SLC25A20: variants seen among roughly 807,000 people sequenced by gnomAD.
SLC25A20 encodes solute carrier family 25 member 20.
A neutral mutation model predicts 39.7 loss-of-function variants in SLC25A20; 29 were observed. The ratio of observed to expected loss-of-function variants is 0.73; its 90% CI spans 0.54 to 1.00. The LOEUF (loss-of-function observed/expected upper bound fraction) is 1.00. SLC25A20 is among the 50% of genes least tolerant of loss of function. The pLI, the probability that SLC25A20 is intolerant of heterozygous loss-of-function variation, is 0.00. For synonymous variants in SLC25A20, 103 were observed against 142.2 expected, an observed-to-expected ratio of 0.72 and a Z score of 1.96; for missense variants, 333 against 379.9, an observed-to-expected ratio of 0.88 and a Z score of 1.03.
At chr3:48,891,929 A>G in intron 2 of SLC25A20, 51 bp downstream of exon 2, 2 of 1,413,332 alleles carry the variant, frequency 1.4e-6, no homozygotes, top group South Asian at 1.2e-5. Flanking sequence ...TAACAAATCA[A>G]CCCCGTGAAT....
At chr3:48,878,262 C>CAAAAAAA (rs1257374907) in intron 4 of SLC25A20, among the ~76,000 whole-genome samples, 25 of 106,844 alleles carry the variant, frequency 2.3e-4, no homozygotes, top group African/African-American at 8.6e-4. Context: ...TCCATCTCCA[C>CAAAAAAA]AAAAAAAAAA....
intron 4 of SLC25A20, among the ~76,000 whole-genome samples, chr3:48,876,044 A>T (rs947331530): frequency 2.6e-5 from 4 of 151,734 alleles, no homozygotes; most frequent in Admixed American, 6.6e-5. Context: ...AATAAAAAAA[A>T]TTTTAAAGCC....
chr3:48,866,562 A>T (rs894745876), intron 4 of SLC25A20, among the ~76,000 whole-genome samples: 2 of 152,162 alleles, frequency 1.3e-5, no homozygotes, highest in African/African-American at 4.8e-5. Flanking sequence ...TCAAAAAAAA[A>T]ACAAAAAACA....
intron 7 of SLC25A20, 28 bp downstream of exon 7, chr3:48,859,064 C>G (rs374847484): frequency 2.3e-5 from 37 of 1,586,276 alleles, no homozygotes; most frequent in Non-Finnish European, 2.9e-5. Flanking sequence ...CCACTCTCCC[C>G]CTGTCCACCC....
chr3:48,862,684 A>G (rs1007582208), intron 4 of SLC25A20, 25 bp from the exon 5 acceptor site: 2 of 1,489,924 alleles, frequency 1.3e-6, no homozygotes, highest in Non-Finnish European at 1.9e-6. Flanking sequence ...AGGATCATTA[A>G]GTCAGAAACA....
At chr3:48,858,361 A>C in intron 8 of SLC25A20, 146 bp downstream of exon 8, 2 of 1,193,050 alleles carry the variant, frequency 1.7e-6, no homozygotes, top group Non-Finnish European at 2.4e-6. Context: ...GCTTCAAGGA[A>C]GGGAGCAAAT....
intron 7 of SLC25A20, 155 bp from the exon 8 acceptor site, chr3:48,858,786 T>C: frequency 1.1e-6 from 1 of 879,956 alleles, no homozygotes; most frequent in South Asian, 1.4e-5. Context: ...AATGCACAAA[T>C]GCCTGAATTA....
At chr3:48,872,951 C>T (rs141366179) in intron 4 of SLC25A20, among the ~76,000 whole-genome samples, 69 of 151,748 alleles carry the variant, frequency 4.5e-4, no homozygotes, top group Middle Eastern at 6.8e-3. Flanking sequence ...GGCCCGGGTA[C>T]GGTGGCTCAT....
At chr3:48,876,251 A>T (rs899374794) in intron 4 of SLC25A20, among the ~76,000 whole-genome samples, 8 of 148,368 alleles carry the variant, frequency 5.4e-5, no homozygotes, top group Non-Finnish European at 8.9e-5. Flanking sequence ...CTGAGGCAGG[A>T]GAATCACTTG....
chr3:48,873,882 T>C (rs1250376404), intron 4 of SLC25A20, among the ~76,000 whole-genome samples: 1 of 136,230 alleles, frequency 7.3e-6, no homozygotes, highest in African/African-American at 2.8e-5. Context: ...GGCAGGAGAA[T>C]GGCGTGAACC....
intron 4 of SLC25A20, among the ~76,000 whole-genome samples, chr3:48,873,968 C>CAAA (rs11316117): frequency 3.9e-4 from 16 of 41,082 alleles, no homozygotes; most frequent in South Asian, 1.4e-3. Flanking sequence ...GACTCCATCT[C>CAAA]AAAAAAAAAA....
intron 3 of SLC25A20, among the ~76,000 whole-genome samples, chr3:48,881,413 T>G (rs1256223266): frequency 6.6e-6 from 1 of 152,170 alleles, no homozygotes; most frequent in Non-Finnish European, 1.5e-5. Context: ...GAATAGGATC[T>G]CTGTGTGTGC....
At chr3:48,860,707 G>C (rs936999225) in intron 5 of SLC25A20, among the ~76,000 whole-genome samples, 3 of 151,240 alleles carry the variant, frequency 2.0e-5, no homozygotes, top group South Asian at 4.2e-4. Context: ...GGAATCACTC[G>C]AACCCAGAAG....
intron 1 of SLC25A20, 69 bp downstream of exon 1, chr3:48,898,621 G>C (rs1362776415): frequency 2.0e-5 from 28 of 1,418,126 alleles, no homozygotes; most frequent in Non-Finnish European, 2.6e-5. Context: ...TCCGCGCCTC[G>C]CGGGGGACCA....
intron 4 of SLC25A20, among the ~76,000 whole-genome samples, chr3:48,866,415 G>A (rs756241198): frequency 1.3e-5 from 2 of 149,774 alleles, no homozygotes; most frequent in Non-Finnish European, 3.0e-5. Context: ...TTAGCAGGGC[G>A]TGGTGGTGTG....
At chr3:48,893,909 C>A (rs2083895239) in intron 1 of SLC25A20, among the ~76,000 whole-genome samples, 1 of 150,760 alleles carries the variant, frequency 6.6e-6, no homozygotes, top group Admixed American at 6.6e-5. Flanking sequence ...ACCTGTAATC[C>A]CAGCATTTTG....
intron 2 of SLC25A20, among the ~76,000 whole-genome samples, chr3:48,887,971 G>A (rs1373597105): frequency 6.6e-6 from 1 of 152,028 alleles, no homozygotes; most frequent in East Asian, 1.9e-4. Context: ...CGCTTTGGGA[G>A]GCTGAGGCAG....
intron 4 of SLC25A20, among the ~76,000 whole-genome samples, chr3:48,873,594 G>A (rs775401641): frequency 3.3e-5 from 5 of 151,694 alleles, no homozygotes; most frequent in Non-Finnish European, 7.4e-5. Context: ...GGGCAACGGA[G>A]TGAGATAATG....
chr3:48,881,005 G>A (rs922455369), intron 3 of SLC25A20, among the ~76,000 whole-genome samples: 10 of 152,060 alleles, frequency 6.6e-5, no homozygotes, highest in East Asian at 1.9e-4. Context: ...CCTAAGCTTC[G>A]GTGCACTCTT....
Sources: allele counts gnomAD v4.1 joint callset (sites outside exome capture counted in the v4.1 genomes callset), GRCh38; gene constraint gnomAD v4.1.1; transcripts MANE v1.5; gene names NCBI Gene and HGNC (gene_info 2026-07-23, HGNC 2026-07-21).